CACNA2D3: variants seen among roughly 807,000 people sequenced by gnomAD.
CACNA2D3 encodes the protein calcium voltage-gated channel auxiliary subunit alpha2delta 3, also known as voltage-dependent calcium channel subunit alpha-2/delta-3.
A neutral mutation model predicts 160.6 loss-of-function variants in CACNA2D3; 60 were observed. That is an observed-to-expected ratio of 0.37 (90% CI 0.30 to 0.46). CACNA2D3 has a LOEUF of 0.46. Among genes scored for constraint, CACNA2D3 ranks in the 20% least tolerant of loss-of-function variants. The pLI, the probability that CACNA2D3 is intolerant of heterozygous loss-of-function variation, is 1.00. For missense variants in CACNA2D3, 1,205 were observed against 1,365.0 expected (o/e 0.88, Z 1.85); for synonymous variants, 558 against 492.9 (o/e 1.13, Z -1.75).
At chr3:54,472,330 T>G (rs1279168927) in intron 4 of CACNA2D3, among the ~76,000 whole-genome samples, 1 of 152,192 alleles carries the variant, frequency 6.6e-6, no homozygotes, top group Non-Finnish European at 1.5e-5. Flanking sequence ...GAAAAGGCCT[T>G]CGATAAAATT....
At chr3:54,343,426 G>C (rs1400382937) in intron 3 of CACNA2D3, among the ~76,000 whole-genome samples, 1 of 152,058 alleles carries the variant, frequency 6.6e-6, no homozygotes, top group East Asian at 1.9e-4. Context: ...CAAGTAGTTG[G>C]GACTACAGGC....
At chr3:54,447,649 T>C (rs370271648) in intron 4 of CACNA2D3, among the ~76,000 whole-genome samples, 26 of 152,292 alleles carry the variant, frequency 1.7e-4, no homozygotes, top group African/African-American at 6.3e-4. Context: ...AGGCAGGGAC[T>C]GCTTGGTTCT....
At chr3:54,340,188 G>A (rs1704483969) in intron 3 of CACNA2D3, among the ~76,000 whole-genome samples, 1 of 152,158 alleles carries the variant, frequency 6.6e-6, no homozygotes, top group South Asian at 2.1e-4. Flanking sequence ...TGCTGATAGT[G>A]TTCCCTACTC....
At chr3:54,763,722 TATAC>T (rs1433220963) in intron 12 of CACNA2D3, among the ~76,000 whole-genome samples, 1 of 121,390 alleles carries the variant, frequency 8.2e-6, no homozygotes, top group South Asian at 2.6e-4. Flanking sequence ...TATGTACATA[TATAC>T]ATATATATGT....
At chr3:55,032,991 A>G (rs1703713566) in intron 35 of CACNA2D3, among the ~76,000 whole-genome samples, 1 of 151,990 alleles carries the variant, frequency 6.6e-6, no homozygotes. Context: ...AGTAGCTGAG[A>G]CACCTGTTAT....
chr3:54,529,458 C>A (rs531145337), intron 5 of CACNA2D3, among the ~76,000 whole-genome samples: 1 of 152,184 alleles, frequency 6.6e-6, no homozygotes, highest in African/African-American at 2.4e-5. Flanking sequence ...AGCTTTGAAG[C>A]CCCCAAAGAC....
At chr3:54,164,846 C>T (rs1700419755) in intron 2 of CACNA2D3, among the ~76,000 whole-genome samples, 2 of 152,162 alleles carry the variant, frequency 1.3e-5, no homozygotes, top group African/African-American at 2.4e-5. Flanking sequence ...GGCTGTGTGG[C>T]CTTGATCAAG....
chr3:54,437,004 C>T (rs1474051092), intron 4 of CACNA2D3, among the ~76,000 whole-genome samples: 1 of 152,158 alleles, frequency 6.6e-6, no homozygotes, highest in East Asian at 1.9e-4. Context: ...AGTGGTAGAA[C>T]ATCTGTTACA....
chr3:54,291,710 A>G lies in CACNA2D3; in HGVS notation c.205-28732A>G, dbSNP rs185615302. On this transcript the variant is annotated intron_variant, in intron 2 of 37. Coordinates refer to ENST00000474759, the MANE Select transcript of CACNA2D3 (RefSeq NM_018398.3). ...TAGTGGTAGGCTTCTGACATTGCCT[A>G]GAACCCAAACTGTGATCGTGGAGCA... Among the ~76,000 whole-genome samples, 20 of 152,326 alleles carry G rather than the reference A, an allele frequency of 1.3e-4. No individual in the cohort carries two copies. In the East Asian group the frequency reaches 3.7e-3, roughly 28 times the overall value.
intron 4 of CACNA2D3, among the ~76,000 whole-genome samples, chr3:54,423,896 T>A (rs945146681): frequency 4.6e-4 from 68 of 148,450 alleles, no homozygotes; most frequent in East Asian, 3.9e-4. Context: ...AATTCTTATT[T>A]TTTTTTTTTT....
At chr3:54,643,023 C>T (rs945675156) in intron 11 of CACNA2D3, among the ~76,000 whole-genome samples, 1 of 152,118 alleles carries the variant, frequency 6.6e-6, no homozygotes, top group African/African-American at 2.4e-5. Flanking sequence ...ACTGTCTCAC[C>T]TAAATGGTGG....
intron 2 of CACNA2D3, among the ~76,000 whole-genome samples, chr3:54,185,799 C>G (rs1238089609): frequency 6.6e-6 from 1 of 152,176 alleles, no homozygotes; most frequent in Non-Finnish European, 1.5e-5. Flanking sequence ...TCATAGTTTG[C>G]CAATCCTGTG....
intron 35 of CACNA2D3, among the ~76,000 whole-genome samples, chr3:55,035,804 T>C (rs1417614814): frequency 6.6e-6 from 1 of 152,162 alleles, no homozygotes; most frequent in Non-Finnish European, 1.5e-5. Context: ...ATGGTCAGGG[T>C]ATTTAGGATA....
chr3:54,736,102 TATATATGTATATATATAC>T (rs1363952811), intron 11 of CACNA2D3, among the ~76,000 whole-genome samples: 1,541 of 26,372 alleles, frequency 0.058, 128 homozygotes, highest in African/African-American at 0.14. Context: ...TATATATACA[TATATATGTATATATATAC>T]ATATATATAT....
chr3:54,415,880 T>C (rs1015581969), intron 4 of CACNA2D3, among the ~76,000 whole-genome samples: 5 of 152,172 alleles, frequency 3.3e-5, no homozygotes, highest in African/African-American at 1.2e-4. Flanking sequence ...ATTGACCTCA[T>C]TTTTCACTGG....
chr3:55,017,919 C>G lies in CACNA2D3; in HGVS notation c.2876-287C>G, dbSNP rs1418067968. On this transcript the variant is annotated intron_variant, in intron 34 of 37. Transcript: ENST00000474759. ...GTGTTGTTGCTAAGTTTGAGTAAGT[C>G]TGAAGTCAGAGACCCAGTGACTGAT... 2.0e-5 allele frequency among the ~76,000 whole-genome samples: 3 copies of G among 152,226 alleles called. No individual in the cohort carries two copies. In the South Asian group the frequency reaches 6.2e-4, roughly 32 times the overall value.
intron 11 of CACNA2D3, among the ~76,000 whole-genome samples, chr3:54,729,694 A>G (rs934519524): frequency 6.6e-6 from 1 of 151,958 alleles, no homozygotes; most frequent in South Asian, 2.1e-4. Context: ...ATGGTACTCT[A>G]TGTTTTAAAA....
chr3:54,472,385 T>C (rs748164303), intron 4 of CACNA2D3, among the ~76,000 whole-genome samples: 2 of 152,176 alleles, frequency 1.3e-5, no homozygotes, highest in Non-Finnish European at 2.9e-5. Flanking sequence ...TAGGTGTTGA[T>C]GGAATGTATC....
intron 35 of CACNA2D3, among the ~76,000 whole-genome samples, chr3:55,051,710 G>C (rs1704221904): frequency 1.3e-5 from 2 of 152,156 alleles, no homozygotes; most frequent in African/African-American, 4.8e-5. Context: ...CAGCCTCGCT[G>C]CCGCCTTGCA....
Sources: gnomAD v4.1 joint callset for allele counts (sites outside exome capture counted in the v4.1 genomes callset) on GRCh38, gnomAD v4.1.1 for gene constraint, MANE v1.5 for transcripts, NCBI Gene and HGNC (gene_info 2026-07-23, HGNC 2026-07-21) for gene names.